FGF12: variants seen among roughly 807,000 people sequenced by gnomAD.
FGF12 encodes fibroblast growth factor 12.
In FGF12, 14 loss-of-function variants were observed where a neutral mutation model predicts 23.6. The ratio of observed to expected loss-of-function variants is 0.59; its 90% CI spans 0.39 to 0.93. The LOEUF (loss-of-function observed/expected upper bound fraction) is 0.93. Ranked by LOEUF, FGF12 falls within the 40% of genes least tolerant of loss-of-function variation. The probability of loss-of-function intolerance (pLI) is 0.00; values close to 1 mark genes in which losing one functional copy is unlikely to be tolerated. For synonymous variants in FGF12, 62 were observed against 77.3 expected, an observed-to-expected ratio of 0.80 and a Z score of 1.04; for missense variants, 175 against 217.8, an observed-to-expected ratio of 0.80 and a Z score of 1.24.
At chr3:192,204,393 A>T (rs147635045) in intron 4 of FGF12, among the ~76,000 whole-genome samples, 1 of 152,290 alleles carries the variant, frequency 6.6e-6, no homozygotes, top group African/African-American at 2.4e-5. Context: ...ATGACTGAGG[A>T]ACTAAATTTT....
At chr3:192,700,997 C>T (rs1718275186) in intron 2 of FGF12, among the ~76,000 whole-genome samples, 1 of 152,170 alleles carries the variant, frequency 6.6e-6, no homozygotes, top group Non-Finnish European at 1.5e-5. Context: ...ATCCTCTTCC[C>T]TTTTCTGATC....
intron 2 of FGF12, among the ~76,000 whole-genome samples, chr3:192,491,519 G>T (rs535798266): frequency 6.6e-6 from 1 of 152,206 alleles, no homozygotes; most frequent in South Asian, 2.1e-4. Flanking sequence ...TTATTTACAA[G>T]CCTTCACTTG....
intron 2 of FGF12, among the ~76,000 whole-genome samples, chr3:192,561,566 GTTAGCCAGGATA>G (rs1453921190): frequency 7.9e-5 from 12 of 152,062 alleles, no homozygotes; most frequent in African/African-American, 2.7e-4. Flanking sequence ...GTTTCACCGT[GTTAGCCAGGATA>G]GTCTCGATCT....
intron 2 of FGF12, among the ~76,000 whole-genome samples, chr3:192,628,684 T>A (rs1715272713): frequency 6.7e-6 from 1 of 149,716 alleles, no homozygotes; most frequent in Non-Finnish European, 1.5e-5. Context: ...AAAAAGTATA[T>A]ATACATTTAT....
At chr3:192,490,424 AC>A (rs749169315) in intron 2 of FGF12, among the ~76,000 whole-genome samples, 37 of 152,260 alleles carry the variant, frequency 2.4e-4, no homozygotes, top group Non-Finnish European at 4.7e-4. Context: ...TTTATATTAC[AC>A]ATATGTGTGT....
intron 2 of FGF12, among the ~76,000 whole-genome samples, chr3:192,445,045 C>T (rs1026368021): frequency 6.6e-6 from 1 of 152,180 alleles, no homozygotes; most frequent in Non-Finnish European, 1.5e-5. Flanking sequence ...GCAGTAAATT[C>T]CACCATGCTT....
At chr3:192,363,197 C>T in intron 2 of FGF12, among the ~76,000 whole-genome samples, 1 of 151,044 alleles carries the variant, frequency 6.6e-6, no homozygotes, top group East Asian at 2.0e-4. Context: ...ATGTAACAAA[C>T]CTGCAAGTTG....
At position 192,306,474 on chromosome 3, in the gene FGF12, G is replaced by A. The variant is rs571960506; in HGVS notation, c.228+28887C>T. Among the ~76,000 whole-genome samples, 217 of 152,216 alleles carry A rather than the reference G, an allele frequency of 1.4e-3. 2 individuals carry two copies. The highest frequency in any genetic ancestry group is 2.0e-3 in the Non-Finnish European group (138 of 68,020). Reference sequence around the variant, plus strand: ...CTACCAAAAAATTGGTCAAAGAAGCGGGGCATGGTGGCTCACACTTGTAAT... The same window carrying A: ...CTACCAAAAAATTGGTCAAAGAAGCAGGGCATGGTGGCTCACACTTGTAAT... On this transcript the variant is annotated intron_variant, in intron 4 of 5. Coordinates refer to ENST00000445105, the MANE Select transcript of FGF12 (RefSeq NM_004113.6).
chr3:192,217,089 C>T (rs1045165611), intron 4 of FGF12, among the ~76,000 whole-genome samples: 2 of 152,146 alleles, frequency 1.3e-5, no homozygotes, highest in Non-Finnish European at 2.9e-5. Flanking sequence ...CCAGATAAAC[C>T]TGGCTTCACA....
At chr3:192,591,911 T>A (rs747487143) in intron 2 of FGF12, among the ~76,000 whole-genome samples, 3 of 151,534 alleles carry the variant, frequency 2.0e-5, no homozygotes, top group African/African-American at 4.8e-5. Context: ...AAGCTAAGCA[T>A]TTTTTTTCTT....
intron 4 of FGF12, among the ~76,000 whole-genome samples, chr3:192,240,244 T>C (rs1012363989): frequency 6.4e-4 from 98 of 152,286 alleles, no homozygotes; most frequent in Non-Finnish European, 4.4e-5. Context: ...AATTACCATA[T>C]ACTGGAGAGC....
chr3:192,159,974 GTGTGTA>G (rs1300741473), intron 5 of FGF12, among the ~76,000 whole-genome samples: 6 of 139,064 alleles, frequency 4.3e-5, no homozygotes, highest in African/African-American at 1.8e-4. Context: ...GTGTGTGTGT[GTGTGTA>G]CACATTTCAG....
At chr3:192,675,215 C>G (rs1717284461) in intron 2 of FGF12, among the ~76,000 whole-genome samples, 1 of 151,918 alleles carries the variant, frequency 6.6e-6, no homozygotes, top group African/African-American at 2.4e-5. Context: ...GGCAACAGGG[C>G]CTGCCTGGGA....
At chr3:192,440,405 G>A (rs533488402) in intron 2 of FGF12, among the ~76,000 whole-genome samples, 22 of 152,254 alleles carry the variant, frequency 1.4e-4, no homozygotes, top group Admixed American at 5.2e-4. Context: ...AGACAACAGC[G>A]GTGGCAGTGG....
intron 5 of FGF12, among the ~76,000 whole-genome samples, chr3:192,160,617 G>A (rs565410851): frequency 7.0e-4 from 106 of 151,984 alleles, no homozygotes; most frequent in Middle Eastern, 3.4e-3. Context: ...TTTTAATTGC[G>A]TATTTTTTAC....
At chr3:192,534,204 A>C (rs1228508881) in intron 2 of FGF12, 7 of 152,214 alleles carry the variant, frequency 4.6e-5, no homozygotes, top group African/African-American at 1.7e-4. Flanking sequence ...AAGTATAAGC[A>C]GTATAGCTGC....
At chr3:192,543,325 G>C (rs551331943) in intron 2 of FGF12, among the ~76,000 whole-genome samples, 2 of 152,206 alleles carry the variant, frequency 1.3e-5, no homozygotes, top group African/African-American at 4.8e-5. Flanking sequence ...GGCTACCACT[G>C]ATGTTCACTC....
intron 2 of FGF12, chr3:192,726,786 T>C (rs1342213135): frequency 4.4e-6 from 1 of 224,818 alleles, no homozygotes; most frequent in Admixed American, 5.1e-5. Context: ...AATGCATTAT[T>C]GGATATCAGG....
chr3:192,524,998 A>T (rs909407751), intron 2 of FGF12, among the ~76,000 whole-genome samples: 1 of 152,138 alleles, frequency 6.6e-6, no homozygotes, highest in South Asian at 2.1e-4. Context: ...TGATCACTCT[A>T]TTTCAAGAAA....
Sources: allele counts gnomAD v4.1 joint callset (sites outside exome capture counted in the v4.1 genomes callset), GRCh38; gene constraint gnomAD v4.1.1; transcripts MANE v1.5; gene names NCBI Gene and HGNC (gene_info 2026-07-23, HGNC 2026-07-21).